ADCY7: variants seen among roughly 807,000 people sequenced by gnomAD.
ADCY7 encodes adenylate cyclase 7, also known as adenylate cyclase type 7.
A neutral mutation model predicts 120.6 loss-of-function variants in ADCY7; 72 were observed. That is an observed-to-expected ratio of 0.60 (90% confidence interval 0.49 to 0.73). The LOEUF (loss-of-function observed/expected upper bound fraction) is 0.73. ADCY7 is among the 30% of genes least tolerant of loss of function. The pLI is 0.00. For missense variants in ADCY7, 1,227 were observed against 1,486.0 expected (o/e 0.83, Z 2.87); for synonymous variants, 661 against 628.0 (o/e 1.05, Z -0.78).
In ADCY7 at chr16:50,294,652, G is replaced by C; in HGVS notation, c.849G>C (p.Ala283=). 1.3e-6 allele frequency: 2 copies of C among 1,595,114 alleles called. No individual in the cohort carries two copies. The highest frequency in any genetic ancestry group is 1.7e-6 in the Non-Finnish European group (2 of 1,165,930). ...KRHQNVSILY[A]DIVGFTQLAS... ...GCCCCATCCCCAGCATCCTCTATGCGGACATCGTGGGCTTCACGCAGCTGG... is the reference window on the plus strand; with the variant it reads ...GCCCCATCCCCAGCATCCTCTATGCCGACATCGTGGGCTTCACGCAGCTGG... The change falls in exon 7 of 26, where the codon GCG becomes GCC. Residue 283 remains alanine (A), a synonymous_variant. Transcript: ENST00000673801.
At chr16:50,296,682 C>G (rs2035376998) in intron 7 of ADCY7, among the ~76,000 whole-genome samples, 1 of 152,126 alleles carries the variant, frequency 6.6e-6, no homozygotes. Context: ...CCGCAGGTGT[C>G]TCTGTGGGCA....
chr16:50,295,345 ATTTTTTTTTTTTT>A (rs67137852), intron 7 of ADCY7, among the ~76,000 whole-genome samples: 74 of 82,750 alleles, frequency 8.9e-4, no homozygotes, highest in African/African-American at 1.9e-3. Flanking sequence ...CGCCTGGCTA[ATTTTTTTTTTTTT>A]TTTTTTTTTT....
chr16:50,246,380 G>A (rs2032587409), intron 1 of ADCY7, among the ~76,000 whole-genome samples: 1 of 152,042 alleles, frequency 6.6e-6, no homozygotes, highest in South Asian at 2.1e-4. Flanking sequence ...TCCTGCCCGG[G>A]TGGGTCGGAA....
chr16:50,302,923 A>G (rs1038619359), intron 10 of ADCY7, among the ~76,000 whole-genome samples: 3 of 152,182 alleles, frequency 2.0e-5, no homozygotes, highest in Non-Finnish European at 2.9e-5. Context: ...GCCTTACGCC[A>G]TTGCTGTGTG....
At position 50,301,220 on chromosome 16, in the gene ADCY7, A is replaced by T; in HGVS notation, c.1368+6A>T. On this transcript the variant is annotated splice_donor_region_variant and intron_variant, in intron 10 of 25. Coordinates refer to ENST00000673801, the MANE Select transcript of ADCY7 (RefSeq NM_001114.5). ...ACCTGGTCATCGACCCCCGGGTACG[A>T]GGGCTCAGAGGCCGCAGCTGGGGGG... 1 of 1,577,716 alleles carries T rather than the reference A, an allele frequency of 6.3e-7. No homozygotes were observed. Among genetic ancestry groups the T allele is most frequent in the South Asian group, 1.2e-5 (1 of 86,840 alleles).
intron 1 of ADCY7, among the ~76,000 whole-genome samples, chr16:50,253,630 G>T (rs2032823938): frequency 6.6e-6 from 1 of 152,250 alleles, no homozygotes; most frequent in African/African-American, 2.4e-5. Flanking sequence ...GTCTGGGAGT[G>T]TGGAGGTCTT....
At chr16:50,305,950 G>A (rs966164464) in intron 14 of ADCY7, 101 bp downstream of exon 14, 13 of 1,181,154 alleles carry the variant, frequency 1.1e-5, no homozygotes, top group African/African-American at 4.5e-5. Flanking sequence ...TCCCAAGACC[G>A]GCTAGGGGAG....
chr16:50,255,977 T>C (rs1162299145), intron 1 of ADCY7, among the ~76,000 whole-genome samples: 2 of 152,122 alleles, frequency 1.3e-5, no homozygotes, highest in Non-Finnish European at 2.9e-5. Flanking sequence ...ATAGAACTAC[T>C]AGAAGAAAAT....
chr16:50,271,221 C>T (rs76763124), intron 1 of ADCY7, among the ~76,000 whole-genome samples: 4,083 of 152,234 alleles, frequency 0.027, 188 homozygotes, highest in African/African-American at 0.092. Context: ...TACCTAGGAC[C>T]GTGCTTTCCT....
At chr16:50,251,280 T>C (rs1314200292) in intron 1 of ADCY7, among the ~76,000 whole-genome samples, 2 of 151,966 alleles carry the variant, frequency 1.3e-5, no homozygotes, top group East Asian at 3.9e-4. Context: ...GCCTGTCTTA[T>C]GAGATTGTGG....
chr16:50,288,373 C>G, intron 2 of ADCY7, 23 bp downstream of exon 2: 1 of 1,520,726 alleles, frequency 6.6e-7, no homozygotes, highest in African/African-American at 1.4e-5. Flanking sequence ...AGCCCCTGGG[C>G]TTCACGTCTC....
At chr16:50,246,054 G>C (rs1003658790), upstream of ADCY7, 1 of 150,278 alleles carries the variant, frequency 6.7e-6, no homozygotes, top group Non-Finnish European at 1.5e-5. Context: ...CCCCGCCCCG[G>C]CTCCCGCCCC....
At chr16:50,281,947 G>A (rs942207058) in intron 1 of ADCY7, among the ~76,000 whole-genome samples, 26 of 152,170 alleles carry the variant, frequency 1.7e-4, no homozygotes, top group Admixed American at 1.4e-3. Context: ...GCCGAGAGCC[G>A]GCAGGACCGG....
At position 50,304,507 on chromosome 16, in the gene ADCY7, G is replaced by A. The variant is rs79253515; in HGVS notation, c.1516G>A (p.Val506Met). 49 of 1,592,196 alleles carry A rather than the reference G, an allele frequency of 3.1e-5. No homozygotes were observed. Among genetic ancestry groups the A allele is most frequent in the South Asian group, 1.0e-4 (9 of 88,838 alleles). The stretch of plus-strand genomic sequence containing the variant: ...TGCACATCTCAACCACCGTGAGAGC[G>A]TGAGCAGTGGTGAGACCCACGTCCC... ...PFAHLNHRES[V>M]SSGETHVPNG... The change falls in exon 11 of 26, where the codon GTG (valine) becomes ATG (methionine). Residue 506 changes from valine (V) to methionine (M), a missense_variant. Transcript: ENST00000673801.
At chr16:50,311,954 A>G in intron 20 of ADCY7, 82 bp from the exon 21 acceptor site, 1 of 1,581,998 alleles carries the variant, frequency 6.3e-7, no homozygotes, top group Non-Finnish European at 8.6e-7. Flanking sequence ...CGCCAGGGAC[A>G]GACAGACCTG....
At chr16:50,309,689 G>T (rs1373174581) in intron 18 of ADCY7, 43 bp downstream of exon 18, 1 of 1,544,908 alleles carries the variant, frequency 6.5e-7, no homozygotes, top group East Asian at 2.3e-5. Flanking sequence ...TTCAGAGTGG[G>T]GCTGCTGCTG....
At position 50,301,189 on chromosome 16, in the gene ADCY7, G is replaced by A. The variant is rs758212385; in HGVS notation, c.1343G>A (p.Arg448His). ...RDPYLKEMNI[R>H]TYLVIDPRSQ... ...CCCTACCTCAAGGAGATGAACATCC[G>A]CACCTACCTGGTCATCGACCCCCGG... The change falls in exon 10 of 26, where the codon CGC (arginine) becomes CAC (histidine). Residue 448 changes from arginine (R) to histidine (H), a missense_variant. By Grantham distance (29) the Arg-to-His change is conservative. Transcript: ENST00000673801. 1.9e-5 allele frequency: 31 copies of A among 1,606,578 alleles called. No individual in the cohort carries two copies. The highest frequency in any genetic ancestry group is 2.4e-5 in the Non-Finnish European group (28 of 1,176,594).
chr16:50,293,439 A>G lies in ADCY7; in HGVS notation c.773A>G (p.Asp258Gly). 6.2e-7 allele frequency: 1 copy of G among 1,614,028 alleles called. No individual in the cohort carries two copies. The highest frequency in any genetic ancestry group is 8.5e-7 in the Non-Finnish European group (1 of 1,180,026). The change falls in exon 6 of 26, where the codon GAC (aspartate) becomes GGC (glycine). Residue 258 changes from aspartate (D) to glycine (G), a missense_variant. Physicochemically the swap from Asp to Gly is moderately conservative, Grantham distance 94. Around this residue, in one of 5 missense-constraint regions of ADCY7, gnomAD observed 382 missense variants for 411.4 expected, o/e 0.93. Coordinates refer to ENST00000673801, the MANE Select transcript of ADCY7 (RefSeq NM_001114.5). ...ATCGAACGGCTCAAGGAGCATGGTG[A>G]CCGTCGCTGCATGCCTGACAACAAC... is the stretch of plus-strand genomic sequence containing the variant. ...AIIERLKEHG[D>G]RRCMPDNNFH... is the part of the protein sequence containing the mutation.
At chr16:50,252,284 C>T (rs969158352) in intron 1 of ADCY7, among the ~76,000 whole-genome samples, 10 of 152,192 alleles carry the variant, frequency 6.6e-5, no homozygotes, top group Admixed American at 1.3e-4. Context: ...CAGGGCTGAG[C>T]TCTGCACACA....
Sources: gnomAD v4.1 joint callset for allele counts (sites outside exome capture counted in the v4.1 genomes callset) on GRCh38, gnomAD v4.1.1 for gene constraint, gnomAD v4.1.1 regional missense constraint, MANE v1.5 for transcripts, NCBI Gene and HGNC (gene_info 2026-07-23, HGNC 2026-07-21) for gene names.